TOM1: variants seen among roughly 807,000 people sequenced by gnomAD.
TOM1 encodes the protein target of Myb protein 1.
A neutral mutation model predicts 61.3 loss-of-function variants in TOM1; 38 were observed. That is an observed-to-expected ratio of 0.62 (90% CI 0.48 to 0.81). The LOEUF is 0.81. Among genes scored for constraint, TOM1 ranks in the 40% least tolerant of loss-of-function variants. The pLI is 0.00. For missense variants in TOM1, 591 were observed against 659.6 expected (o/e 0.90, Z 1.14); for synonymous variants, 270 against 268.8 (o/e 1.00, Z -0.04).
intron 12 of TOM1, chr22:35,344,069 C>T (rs1255273277): frequency 2.6e-5 from 4 of 152,346 alleles, no homozygotes; most frequent in African/African-American, 7.2e-5. Flanking sequence ...ACACACACCC[C>T]TACACACACA....
At position 35,346,968 on chromosome 22, in the gene TOM1, A is replaced by G. The variant is rs899808769; in HGVS notation, c.1323A>G (p.Glu441=). The G allele has an allele frequency of 5.6e-6, 9 of 1,612,736 alleles. No individual in the cohort carries two copies. In the Middle Eastern group the frequency reaches 6.6e-4, roughly 118 times the overall value. The change falls in exon 14 of 15, where the codon GAA becomes GAG. Residue 441 remains glutamate, a splice_region_variant and synonymous_variant. Transcript: ENST00000449058. ...AAGAGCCTAAGGGGGTCACCAGCGA[A>G]GGTAGTAGTCCCCGCCCCTGCCCGC... ...DAEEPKGVTS[E]EFDKFLEERA...
chr22:35,341,366 A>G (rs1182004010), intron 12 of TOM1, among the ~76,000 whole-genome samples: 2 of 152,152 alleles, frequency 1.3e-5, no homozygotes, highest in Non-Finnish European at 2.9e-5. Context: ...GAGGACAGGG[A>G]GATACCCTGC....
At chr22:35,342,951 A>C (rs1930016459) in intron 12 of TOM1, among the ~76,000 whole-genome samples, 2 of 91,776 alleles carry the variant, frequency 2.2e-5, no homozygotes, top group Non-Finnish European at 4.0e-5. Context: ...ACACCTACAC[A>C]CACCCCTACA....
chr22:35,311,331 C>G (rs1006521484), intron 1 of TOM1, among the ~76,000 whole-genome samples: 3 of 152,190 alleles, frequency 2.0e-5, no homozygotes, highest in African/African-American at 7.2e-5. Flanking sequence ...GAAACGCAAC[C>G]AGCAGAGTCT....
upstream of TOM1, chr22:35,299,874 G>C (rs1227851617): frequency 1.9e-6 from 3 of 1,552,516 alleles, no homozygotes; most frequent in Admixed American, 5.8e-5. Context: ...GGTCGGTGGC[G>C]CTGGCGGTTG....
In TOM1 at chr22:35,343,702, CCTA is replaced by C. The variant is rs1415829410; in HGVS notation, c.1225-2021_1225-2019del. 1.4e-4 allele frequency among the ~76,000 whole-genome samples: 20 copies of C among 145,840 alleles called. 2 individuals carry two copies. The South Asian group carries it at 4.5e-3, about 33-fold the overall frequency. On this transcript the variant is annotated intron_variant, in intron 12 of 14. Coordinates refer to ENST00000449058, the MANE Select transcript of TOM1 (RefSeq NM_005488.3). ...CACACCACACCTACACACTCATACA[CCTA>C]CACACACACCACACACACATCTACA...
Position 35,333,426 on chromosome 22 carries a change from C to T in TOM1, c.956C>T (p.Ala319Val). 6.2e-7 allele frequency: 1 copy of T among 1,614,082 alleles called. No homozygotes were observed. Among genetic ancestry groups the T allele is most frequent in the South Asian group, 1.1e-5 (1 of 91,080 alleles). The stretch of plus-strand genomic sequence containing the variant: ...CAGGCCCCAAGTGAGGCCGAGCCGG[C>T]AGCTGACCTGATCGACATGGGCCCT... Reference protein sequence around the residue: ...TTKAPSEAEPAADLIDMGPDP... With the variant: ...TTKAPSEAEPVADLIDMGPDP... Residue 319 changes from alanine to valine, a missense_variant, in exon 10 of 15, where the codon GCA (alanine) becomes GTA (valine). By Grantham distance (64) the Ala-to-Val change is moderately conservative (BLOSUM62 0). Coordinates refer to ENST00000449058, the MANE Select transcript of TOM1 (RefSeq NM_005488.3).
intron 1 of TOM1, among the ~76,000 whole-genome samples, chr22:35,304,539 C>T (rs1336618707): frequency 6.6e-6 from 1 of 152,078 alleles, no homozygotes; most frequent in Non-Finnish European, 1.5e-5. Flanking sequence ...AGTGCAGTGG[C>T]GCGATCTCGG....
Position 35,333,008 on chromosome 22 carries a change from C to T in TOM1, c.927C>T (p.Thr309=). The change falls in exon 9 of 15, where the codon ACC becomes ACT. Residue 309 remains threonine, a synonymous_variant. Transcript: ENST00000449058. The part of the protein sequence containing the change: ...ERFERFRTGQ[T]TKAPSEAEPA... ...TTGAACGGTTCCGAACAGGCCAGAC[C>T]ACCAAGGTAAAAGTCTTCTTTTCTG... The T allele has an allele frequency of 6.2e-7, 1 of 1,614,218 alleles. No individual in the cohort carries two copies. The highest frequency in any genetic ancestry group is 1.7e-5 in the Admixed American group (1 of 60,028).
chr22:35,318,237 G>A (rs545701981), intron 2 of TOM1: 1 of 538,530 alleles, frequency 1.9e-6, no homozygotes, highest in African/African-American at 1.9e-5. Context: ...CCAGCCTTGT[G>A]TGCAGCATCT....
At chr22:35,330,567 C>T (rs1928755847) in intron 8 of TOM1, 87 bp downstream of exon 8, 6 of 1,331,728 alleles carry the variant, frequency 4.5e-6, no homozygotes, top group Non-Finnish European at 4.1e-6. Flanking sequence ...CTCATGCCAT[C>T]TGAGCCTTCT....
chr22:35,302,706 G>A (rs1311601786), intron 1 of TOM1, among the ~76,000 whole-genome samples: 1 of 152,036 alleles, frequency 6.6e-6, no homozygotes, highest in East Asian at 1.9e-4. Context: ...TTACACTGGC[G>A]GAGACTAAGG....
At chr22:35,340,738 C>T (rs117039833) in intron 12 of TOM1, among the ~76,000 whole-genome samples, 2,804 of 151,746 alleles carry the variant, frequency 0.018, 36 homozygotes, top group Middle Eastern at 0.041. Context: ...TGGAGTAAGA[C>T]CCTGTCTCAA....
chr22:35,330,284 A>G, intron 7 of TOM1, 63 bp from the exon 8 acceptor site: 1 of 1,529,126 alleles, frequency 6.5e-7, no homozygotes, highest in Non-Finnish European at 8.8e-7. Flanking sequence ...CTCACAAAAA[A>G]AAAAAGAGAC....
chr22:35,322,364 G>T lies in TOM1; in HGVS notation c.216+327G>T. On this transcript the variant is annotated intron_variant, in intron 3 of 14. Transcript: ENST00000449058. ...CTCCGCGGGGGCAGGGAGGCCGGCT[G>T]ACTGAGTTGGGTGCTGCTCGGCACT... 6.3e-6 allele frequency: 2 copies of T among 317,944 alleles called. 1 individual carries two copies. Among genetic ancestry groups the T allele is most frequent in the Non-Finnish European group, 1.2e-5 (2 of 170,272 alleles). 19.7% of individuals were successfully genotyped at this position (317,944 alleles called of 1,614,324 possible).
chr22:35,334,421 G>T lies in TOM1; in HGVS notation c.1121G>T (p.Gly374Val). ...TTTGACATGTTTGCGCTGACACGGG[G>T]CAGCTCACTGGCTGACCAACGGAAA... The part of the protein sequence containing the change: ...DEFDMFALTR[G>V]SSLADQRKEV... The change falls in exon 11 of 15, where the codon GGC becomes GTC. Residue 374 changes from glycine to valine, a missense_variant. Gly to Val is a moderately radical substitution (Grantham distance 109, BLOSUM62 -3). Transcript: ENST00000449058. The T allele has an allele frequency of 6.2e-7, 1 of 1,614,086 alleles. No homozygotes were observed. Among genetic ancestry groups the T allele is most frequent in the South Asian group, 1.1e-5 (1 of 91,084 alleles).
At position 35,333,563 on chromosome 22, in the gene TOM1, T is replaced by C. The variant is rs1601703120; in HGVS notation, c.1027+66T>C. 8 of 1,455,076 alleles carry C rather than the reference T, an allele frequency of 5.5e-6. No homozygotes were observed. The East Asian group carries it at 1.8e-4, about 34-fold the overall frequency. 90.1% of individuals were successfully genotyped at this position (1,455,076 alleles called of 1,614,324 possible). On this transcript the variant is annotated intron_variant, in intron 10 of 14. Coordinates refer to ENST00000449058, the MANE Select transcript of TOM1 (RefSeq NM_005488.3). ...GGTACTGTGGGCACCCCTGCAGATT[T>C]TCGGGGTGCCCTTGTTATATACCCA...
chr22:35,346,474 C>T (rs1930509180), intron 13 of TOM1, among the ~76,000 whole-genome samples: 2 of 152,238 alleles, frequency 1.3e-5, no homozygotes, highest in Admixed American at 1.3e-4. Context: ...TCACCCCCTC[C>T]CTAGTTTGCA....
At chr22:35,326,209 C>T (rs1208238216) in intron 6 of TOM1, among the ~76,000 whole-genome samples, 2 of 152,198 alleles carry the variant, frequency 1.3e-5, no homozygotes. Flanking sequence ...CTGAAATCAA[C>T]TATAACTCAG....
Sources: gnomAD v4.1 joint callset for allele counts (sites outside exome capture counted in the v4.1 genomes callset) on GRCh38, gnomAD v4.1.1 for gene constraint, MANE v1.5 for transcripts, NCBI Gene and HGNC (gene_info 2026-07-23, HGNC 2026-07-21) for gene names.